MAP4K4: variants seen among roughly 807,000 people sequenced by gnomAD.
MAP4K4 encodes the protein mitogen-activated protein kinase kinase kinase kinase 4.
In MAP4K4, 38 loss-of-function variants were observed where a neutral mutation model predicts 189.6. The ratio of observed to expected loss-of-function variants is 0.20; its 90% confidence interval spans 0.15 to 0.26. The LOEUF (loss-of-function observed/expected upper bound fraction) is 0.26. Ranked by LOEUF, MAP4K4 falls within the 10% of genes least tolerant of loss-of-function variation. The probability of loss-of-function intolerance (pLI) is 1.00; values close to 1 mark genes in which losing one functional copy is unlikely to be tolerated. For synonymous variants in MAP4K4, 610 were observed against 624.3 expected, an observed-to-expected ratio of 0.98 and a Z score of 0.34; for missense variants, 1,054 against 1,726.9, an observed-to-expected ratio of 0.61 and a Z score of 6.91.
At chr2:101,892,934 C>CT (rs1426661129) in exon 33 of MAP4K4, 1 of 456,288 alleles carries the variant, frequency 2.2e-6, no homozygotes, top group African/African-American at 2.0e-5. Context: ...GTGGAAATAA[C>CT]TGCATTATGG....
chr2:101,829,491 C>G lies in MAP4K4; in HGVS notation c.418-13C>G. 2 of 1,589,326 alleles carry G rather than the reference C, an allele frequency of 1.3e-6. No individual in the cohort carries two copies. Among genetic ancestry groups the G allele is most frequent in the Non-Finnish European group, 1.7e-6 (2 of 1,162,710 alleles). On this transcript the variant is annotated splice_polypyrimidine_tract_variant and intron_variant, in intron 5 of 32. Coordinates refer to ENST00000324219, the Ensembl canonical transcript of MAP4K4. ...ACAGAAAACTAAAATTCAGGTCTGT[C>G]TTTCCTATTCAGGGACTGGCACATC...
intron 3 of MAP4K4, among the ~76,000 whole-genome samples, chr2:101,819,859 A>G (rs188878551): frequency 2.0e-5 from 3 of 152,328 alleles, no homozygotes; most frequent in Admixed American, 2.0e-4. Context: ...ACAGTGCTTC[A>G]TGGTTTCATG....
In MAP4K4 at chr2:101,859,503, T is replaced by G. The variant is rs549460942; in HGVS notation, c.1483-140T>G. On this transcript the variant is annotated intron_variant, in intron 14 of 32. Coordinates refer to ENST00000324219, the Ensembl canonical transcript of MAP4K4. ...ATTTTTCCACAGGTAATGTGCTATT[T>G]AAAATCCCAGCCATTTTGCTTTCTT... 1.1e-4 allele frequency: 75 copies of G among 653,810 alleles called. No homozygotes were observed. In the South Asian group the frequency reaches 1.4e-3, roughly 13 times the overall value. 40.5% of individuals were successfully genotyped at this position (653,810 alleles called of 1,614,324 possible).
At chr2:101,853,230 G>C (rs2097342678) in intron 12 of MAP4K4, among the ~76,000 whole-genome samples, 1 of 152,084 alleles carries the variant, frequency 6.6e-6, no homozygotes, top group Non-Finnish European at 1.5e-5. Flanking sequence ...AAGATTACCA[G>C]ACACTGAGAA....
At chr2:101,698,066 T>C in exon 1 of MAP4K4, 1 of 1,320,928 alleles carries the variant, frequency 7.6e-7, no homozygotes, top group Admixed American at 2.2e-5. Flanking sequence ...TGTTTTTTGG[T>C]GGCAAAAAGG....
chr2:101,708,832 T>G (rs981724726), intron 2 of MAP4K4, among the ~76,000 whole-genome samples: 6 of 152,250 alleles, frequency 3.9e-5, no homozygotes, highest in Admixed American at 3.3e-4. Flanking sequence ...TTGCCTTTTT[T>G]GAACATTTCA....
At chr2:101,703,842 C>T (rs1052515852) in intron 2 of MAP4K4, among the ~76,000 whole-genome samples, 1 of 151,830 alleles carries the variant, frequency 6.6e-6, no homozygotes, top group Non-Finnish European at 1.5e-5. Flanking sequence ...GAAACCCCAT[C>T]TCTACTAAAA....
intron 2 of MAP4K4, among the ~76,000 whole-genome samples, chr2:101,704,274 G>T (rs969429005): frequency 7.2e-5 from 11 of 151,950 alleles, no homozygotes; most frequent in African/African-American, 2.7e-4. Context: ...TCTGGACTTG[G>T]ACAAGGTGGG....
chr2:101,824,233 G>GT (rs1395545140), intron 4 of MAP4K4, among the ~76,000 whole-genome samples, 180 bp downstream of exon 4: 1 of 152,100 alleles, frequency 6.6e-6, no homozygotes, highest in Non-Finnish European at 1.5e-5. Context: ...TATGCTGGTT[G>GT]TTTATTTTGA....
At chr2:101,841,428 T>G (rs530751790) in intron 10 of MAP4K4, among the ~76,000 whole-genome samples, 1 of 152,288 alleles carries the variant, frequency 6.6e-6, no homozygotes, top group South Asian at 2.1e-4. Flanking sequence ...AACCATATTT[T>G]AATTGCCCAG....
At chr2:101,712,019 A>G (rs1355699262) in intron 2 of MAP4K4, among the ~76,000 whole-genome samples, 1 of 85,552 alleles carries the variant, frequency 1.2e-5, no homozygotes, top group Non-Finnish European at 2.3e-5. Context: ...TTGCTGACTT[A>G]TTACCTATAA....
chr2:101,859,497 G>A, intron 14 of MAP4K4, 146 bp from the exon 15 acceptor site: 2 of 633,192 alleles, frequency 3.2e-6, no homozygotes, highest in Non-Finnish European at 5.6e-6. Context: ...CAGGTAATGT[G>A]CTATTTAAAA....
intron 3 of MAP4K4, among the ~76,000 whole-genome samples, chr2:101,793,999 G>T (rs548241263): frequency 6.6e-6 from 1 of 152,156 alleles, no homozygotes; most frequent in Admixed American, 6.5e-5. Context: ...GAGATGTCAA[G>T]TTCTCTTCAA....
At chr2:101,756,025 C>T (rs2072542817) in intron 2 of MAP4K4, among the ~76,000 whole-genome samples, 1 of 149,306 alleles carries the variant, frequency 6.7e-6, no homozygotes, top group Admixed American at 6.8e-5. Context: ...ACTGCAAGCT[C>T]CGCCTCCCAG....
intron 2 of MAP4K4, among the ~76,000 whole-genome samples, chr2:101,700,033 T>C (rs891158124): frequency 3.3e-5 from 5 of 152,250 alleles, no homozygotes; most frequent in Admixed American, 1.3e-4. Flanking sequence ...CAGTTTTTTC[T>C]CGCCAAATTA....
chr2:101,738,263 A>G (rs1215783744), intron 2 of MAP4K4, among the ~76,000 whole-genome samples: 3 of 152,318 alleles, frequency 2.0e-5, no homozygotes, highest in Non-Finnish European at 4.4e-5. Context: ...GTCTTAGTCC[A>G]TTGAACAAAA....
Position 101,870,492 on chromosome 2 carries a change from T to C in MAP4K4, c.2760+77T>C. 4 of 1,567,292 alleles carry C rather than the reference T, an allele frequency of 2.6e-6. No individual in the cohort carries two copies. In the South Asian group the frequency reaches 3.5e-5, roughly 14 times the overall value. On this transcript the variant is annotated intron_variant, in intron 23 of 32. Transcript: ENST00000324219. ...ACCCACTTGCTCATTCACTCACTCA[T>C]GCTGTTTCTCCATCATCATCTGTTT...
At chr2:101,789,501 C>G (rs749365692) in intron 2 of MAP4K4, among the ~76,000 whole-genome samples, 4 of 152,160 alleles carry the variant, frequency 2.6e-5, no homozygotes, top group African/African-American at 4.8e-5. Flanking sequence ...CGGTGTCTTA[C>G]CCAGGTACAG....
At chr2:101,839,300 G>C (rs192315755) in intron 9 of MAP4K4, among the ~76,000 whole-genome samples, 1 of 152,206 alleles carries the variant, frequency 6.6e-6, no homozygotes, top group Non-Finnish European at 1.5e-5. Flanking sequence ...ACCTTTGTAG[G>C]TTAAACAGAG....
Sources: allele counts gnomAD v4.1 joint callset (sites outside exome capture counted in the v4.1 genomes callset), GRCh38; gene constraint gnomAD v4.1.1; transcripts MANE v1.5; gene names NCBI Gene and HGNC (gene_info 2026-07-23, HGNC 2026-07-21).